Variants in FAM81A observed in about 807,000 individuals in gnomAD.
The protein encoded by FAM81A is protein FAM81A.
In FAM81A, 19 loss-of-function variants were observed where a neutral mutation model predicts 46.7. The ratio of observed to expected loss-of-function variants is 0.41; its 90% CI spans 0.28 to 0.60. FAM81A has a LOEUF of 0.60. Ranked by LOEUF, FAM81A falls within the 20% of genes least tolerant of loss-of-function variation. FAM81A has a pLI of 0.34. For synonymous variants in FAM81A, 183 were observed against 152.9 expected (o/e 1.20, Z -1.45); for missense variants, 377 against 453.5 (o/e 0.83, Z 1.53).
intron 3 of FAM81A, among the ~76,000 whole-genome samples, chr15:59,479,570 G>A (rs1302241105): frequency 6.8e-6 from 1 of 147,034 alleles, no homozygotes; most frequent in East Asian, 2.0e-4. Context: ...GGTGACGTGT[G>A]AATTGAGAAT....
intron 4 of FAM81A, among the ~76,000 whole-genome samples, chr15:59,494,204 A>T (rs1201224312): frequency 1.3e-5 from 2 of 152,218 alleles, no homozygotes; most frequent in African/African-American, 4.8e-5. Context: ...CTCCTTGTTT[A>T]TGCATTTCGG....
chr15:59,506,163 G>A (rs987516064), intron 4 of FAM81A, among the ~76,000 whole-genome samples: 8 of 151,962 alleles, frequency 5.3e-5, no homozygotes, highest in East Asian at 3.9e-4. Flanking sequence ...TGTTTGTTTT[G>A]TTTTGTTTTG....
chr15:59,502,301 T>C (rs1242022416), intron 4 of FAM81A, among the ~76,000 whole-genome samples: 5 of 151,974 alleles, frequency 3.3e-5, no homozygotes, highest in Non-Finnish European at 5.9e-5. Flanking sequence ...CATTTAGCAT[T>C]AGGTATATCT....
At chr15:59,436,850 G>C (rs2141571777), upstream of FAM81A, among the ~76,000 whole-genome samples, 1 of 152,318 alleles carries the variant, frequency 6.6e-6, no homozygotes, top group Non-Finnish European at 1.5e-5. Context: ...TTACTCTCCT[G>C]GTCACAACGG....
intron 2 of FAM81A, among the ~76,000 whole-genome samples, chr15:59,413,389 G>A (rs2081130794): frequency 6.7e-6 from 1 of 149,192 alleles, no homozygotes. Context: ...TCTCTAGCCA[G>A]GGCCTCAAAA....
At chr15:59,473,161 G>C (rs1385948502) in intron 3 of FAM81A, among the ~76,000 whole-genome samples, 1 of 152,160 alleles carries the variant, frequency 6.6e-6, no homozygotes, top group African/African-American at 2.4e-5. Flanking sequence ...AAGAAGTACA[G>C]TAGGCCCCTT....
At chr15:59,481,164 A>T (rs1229915584) in intron 3 of FAM81A, among the ~76,000 whole-genome samples, 2 of 149,112 alleles carry the variant, frequency 1.3e-5, no homozygotes, top group East Asian at 2.0e-4. Context: ...TTGGCTAATT[A>T]AAAAAAAAAT....
intron 2 of FAM81A, among the ~76,000 whole-genome samples, chr15:59,410,088 C>T (rs1596459895): frequency 6.6e-6 from 1 of 152,064 alleles, no homozygotes; most frequent in African/African-American, 2.4e-5. Flanking sequence ...ATTACGAGGT[C>T]AGGAGAGTGA....
At chr15:59,455,782 T>C (rs1339135932) in intron 1 of FAM81A, among the ~76,000 whole-genome samples, 1 of 152,220 alleles carries the variant, frequency 6.6e-6, no homozygotes, top group Non-Finnish European at 1.5e-5. Flanking sequence ...GTAGATGAAA[T>C]GGCCTTCAGA....
At chr15:59,493,320 A>G (rs1465360297) in intron 4 of FAM81A, among the ~76,000 whole-genome samples, 2 of 152,190 alleles carry the variant, frequency 1.3e-5, no homozygotes, top group African/African-American at 4.8e-5. Flanking sequence ...AGATCTGTCT[A>G]TAATAGCAGA....
At chr15:59,457,232 T>C (rs1186430025) in intron 1 of FAM81A, among the ~76,000 whole-genome samples, 1 of 152,180 alleles carries the variant, frequency 6.6e-6, no homozygotes, top group African/African-American at 2.4e-5. Flanking sequence ...TCTGAAATAG[T>C]GTGATGAAAT....
chr15:59,429,055 T>G (rs543521918), intron 2 of FAM81A, among the ~76,000 whole-genome samples: 6 of 152,254 alleles, frequency 3.9e-5, no homozygotes, highest in African/African-American at 1.4e-4. Flanking sequence ...TATTCTGCTC[T>G]CAGCCTTGAT....
In FAM81A at chr15:59,493,944, C is replaced by A. The variant is rs181132597; in HGVS notation, c.413+1555C>A. Among the ~76,000 whole-genome samples, 656 of 152,238 alleles carry A rather than the reference C, an allele frequency of 4.3e-3. 3 individuals are homozygous for A. Among genetic ancestry groups the A allele is most frequent in the African/African-American group, 0.015 (620 of 41,556 alleles). On this transcript the variant is annotated intron_variant, in intron 4 of 8. Transcript: ENST00000288228. Reference sequence around the variant, plus strand: ...TTAAAGTTCAGCTGAAGTGTCACCCCCTCTGGGAGTCTTCCCTGACACCCC... The same window carrying A: ...TTAAAGTTCAGCTGAAGTGTCACCCACTCTGGGAGTCTTCCCTGACACCCC...
Position 59,459,172 on chromosome 15 carries a change from A to AT in FAM81A, c.20+534dup, listed in dbSNP as rs1305472169. ...ACCATGCCCAGCTAATTTTTAAATA[A>AT]TTTTTTTTGTAGAGATAGGGTCTCG... On this transcript the variant is annotated intron_variant, in intron 2 of 8. Coordinates refer to ENST00000288228, the MANE Select transcript of FAM81A (RefSeq NM_152450.3). Among the ~76,000 whole-genome samples the AT allele has an allele frequency of 7.9e-5, 12 of 151,854 alleles. No individual in the cohort carries two copies. The South Asian group carries it at 8.3e-4, about 11-fold the overall frequency.
intron 2 of FAM81A, among the ~76,000 whole-genome samples, chr15:59,415,978 C>A (rs549586172): frequency 3.9e-5 from 6 of 152,286 alleles, no homozygotes; most frequent in Non-Finnish European, 8.8e-5. Context: ...CAGGTACAAT[C>A]CCTGAACATA....
intron 3 of FAM81A, among the ~76,000 whole-genome samples, chr15:59,488,119 T>C (rs1185881671): frequency 6.6e-6 from 1 of 152,188 alleles, no homozygotes; most frequent in Admixed American, 6.5e-5. Flanking sequence ...GTTCAACATA[T>C]GCAAATCAAT....
chr15:59,462,335 A>G (rs184936760), intron 3 of FAM81A, among the ~76,000 whole-genome samples: 1 of 151,838 alleles, frequency 6.6e-6, no homozygotes. Flanking sequence ...TTTTTTTATT[A>G]TAGTCATTCT....
intron 3 of FAM81A, among the ~76,000 whole-genome samples, chr15:59,479,177 T>C (rs776563772): frequency 3.0e-4 from 45 of 152,108 alleles, no homozygotes; most frequent in Non-Finnish European, 5.9e-4. Flanking sequence ...TCAAGTGCTC[T>C]GATGAGAGGA....
intron 4 of FAM81A, among the ~76,000 whole-genome samples, chr15:59,506,614 A>G (rs940344362): frequency 6.6e-6 from 1 of 151,800 alleles, no homozygotes; most frequent in Non-Finnish European, 1.5e-5. Flanking sequence ...CCATTCTGTG[A>G]CTCTCCTATT....
Sources: gnomAD v4.1 joint callset for allele counts (sites outside exome capture counted in the v4.1 genomes callset) on GRCh38, gnomAD v4.1.1 for gene constraint, MANE v1.5 for transcripts, NCBI Gene and HGNC (gene_info 2026-07-23, HGNC 2026-07-21) for gene names.